The following DCLK2 variants were observed in gnomAD, a reference collection of about 807,000 sequenced individuals.
DCLK2 encodes the protein doublecortin like kinase 2.
Under a neutral mutation model 78.4 loss-of-function variants are expected in DCLK2, and 31 were observed. The observed-to-expected ratio is 0.40, with a 90% CI of 0.30 to 0.53. DCLK2 has a LOEUF of 0.53. Among genes scored for constraint, DCLK2 ranks in the 20% least tolerant of loss-of-function variants. The pLI, the probability that DCLK2 is intolerant of heterozygous loss-of-function variation, is 0.61. For synonymous variants in DCLK2, 407 were observed against 374.9 expected, an observed-to-expected ratio of 1.09 and a Z score of -0.99; for missense variants, 872 against 973.7, an observed-to-expected ratio of 0.90 and a Z score of 1.39.
chr4:150,117,892 C>T lies in DCLK2; in HGVS notation c.756+15080C>T, dbSNP rs542529157. ...CACCACACACTATTTTGTCTTTTCACGTGGTAGAGGCATGCAAACAATCCA... is the reference window on the plus strand; with the variant it reads ...CACCACACACTATTTTGTCTTTTCATGTGGTAGAGGCATGCAAACAATCCA... On this transcript the variant is annotated intron_variant, in intron 2 of 15. Coordinates refer to ENST00000296550, the MANE Select transcript of DCLK2 (RefSeq NM_001040260.4). Among the ~76,000 whole-genome samples the T allele has an allele frequency of 1.2e-4, 19 of 152,260 alleles. No individual in the cohort carries two copies. In the South Asian group the frequency reaches 2.7e-3, roughly 22 times the overall value.
intron 2 of DCLK2, among the ~76,000 whole-genome samples, chr4:150,171,874 G>A (rs1736558675): frequency 2.0e-5 from 3 of 152,320 alleles, no homozygotes; most frequent in Admixed American, 2.0e-4. Flanking sequence ...TCTTTTCTAA[G>A]GAAGCTTTTT....
intron 1 of DCLK2, among the ~76,000 whole-genome samples, chr4:150,097,016 G>T (rs1454921845): frequency 6.6e-6 from 1 of 152,150 alleles, no homozygotes; most frequent in East Asian, 1.9e-4. Flanking sequence ...CATGGGAGGA[G>T]AGAAGGACCC....
chr4:150,140,364 CA>C (rs60163183), intron 2 of DCLK2, among the ~76,000 whole-genome samples: 35,884 of 152,022 alleles, frequency 0.24, 4,943 homozygotes, highest in South Asian at 0.51. Context: ...AGGCCTCCCC[CA>C]GCAAGCATGG....
chr4:150,157,836 C>T lies in DCLK2; in HGVS notation c.757-35302C>T, dbSNP rs142125146. On this transcript the variant is annotated intron_variant, in intron 2 of 15. Coordinates refer to ENST00000296550, the MANE Select transcript of DCLK2 (RefSeq NM_001040260.4). ...CAGAGATGGAGTTTTGCCATGTTTC[C>T]GGACTGGTCTTGAACTCTCTGAGCT... is the stretch of plus-strand genomic sequence containing the variant. Among the ~76,000 whole-genome samples the T allele has an allele frequency of 2.0e-3, 299 of 152,268 alleles. 1 individual carries two copies. Among genetic ancestry groups the T allele is most frequent in the African/African-American group, 6.8e-3 (283 of 41,560 alleles).
intron 12 of DCLK2, among the ~76,000 whole-genome samples, chr4:150,246,226 C>T (rs11941843): frequency 0.65 from 99,234 of 151,840 alleles, 32,760 homozygotes; most frequent in South Asian, 0.81. Context: ...TTTGTATTTT[C>T]AGTAGAGACA....
At chr4:150,079,696 G>T (rs1264123180) in intron 1 of DCLK2, among the ~76,000 whole-genome samples, 1 of 150,888 alleles carries the variant, frequency 6.6e-6, no homozygotes, top group Non-Finnish European at 1.5e-5. Flanking sequence ...GGCCAATTTA[G>T]GCACTGGTGG....
intron 2 of DCLK2, among the ~76,000 whole-genome samples, chr4:150,159,878 T>C (rs930449178): frequency 1.3e-5 from 2 of 152,012 alleles, no homozygotes; most frequent in Non-Finnish European, 2.9e-5. Context: ...GCACGTGACT[T>C]AGGAATGAGG....
intron 11 of DCLK2, 27 bp downstream of exon 11, chr4:150,239,902 TACTTTA>T: frequency 6.6e-7 from 1 of 1,506,274 alleles, no homozygotes; most frequent in Non-Finnish European, 8.9e-7. Context: ...CCCTGGTTAG[TACTTTA>T]ACTTTGATGA....
intron 2 of DCLK2, among the ~76,000 whole-genome samples, chr4:150,183,136 C>T (rs1737651766): frequency 6.6e-6 from 1 of 152,146 alleles, no homozygotes; most frequent in Non-Finnish European, 1.5e-5. Context: ...TAGGATTTTC[C>T]CTTTACTCTG....
intron 4 of DCLK2, among the ~76,000 whole-genome samples, chr4:150,201,147 T>C (rs1019995920): frequency 1.3e-5 from 2 of 152,196 alleles, no homozygotes; most frequent in Non-Finnish European, 2.9e-5. Context: ...TTGTGAATCT[T>C]TCTTAGTCTG....
Position 150,102,458 on chromosome 4 carries a change from A to G in DCLK2, c.422-20A>G. The G allele has an allele frequency of 6.2e-7, 1 of 1,603,564 alleles. No individual in the cohort carries two copies. The highest frequency in any genetic ancestry group is 8.5e-7 in the Non-Finnish European group (1 of 1,174,160). ...ATGATAGAGATAATCATGCTAATAA[A>G]ATCAAATTTTGCTTTTTAGGTGAGA... On this transcript the variant is annotated intron_variant, in intron 1 of 15. Coordinates refer to ENST00000296550, the MANE Select transcript of DCLK2 (RefSeq NM_001040260.4).
In DCLK2 at chr4:150,078,927, C is replaced by T. The variant is rs2150123348; in HGVS notation, c.-101C>T. ...GGCGGGATGCCAGAGCCAGGTGTCC[C>T]GGCGCGTTAAGGGCCCTCGCAGTCA... On this transcript the variant is annotated 5_prime_UTR_variant, in exon 1 of 16. Transcript: ENST00000296550. 6 of 1,372,500 alleles carry T rather than the reference C, an allele frequency of 4.4e-6. No individual in the cohort carries two copies. Among genetic ancestry groups the T allele is most frequent in the South Asian group, 1.7e-5 (1 of 60,438 alleles). The allele number at this position is 1,372,500 out of a possible 1,614,324, so 85.0% of individuals were successfully genotyped here. A position where few individuals can be genotyped will look rare whatever the true frequency, so the allele number is the denominator to read the frequency against.
At position 150,256,938 on chromosome 4, in the gene DCLK2, C is replaced by T. The variant is rs182896172; in HGVS notation, c.*691C>T. On this transcript the variant is annotated 3_prime_UTR_variant, in exon 16 of 16. Transcript: ENST00000296550. ...TGCTCAGTATTCATTCATACACAGA[C>T]GATGGAAGAAGCCACTTCTTCCCTG... is the stretch of plus-strand genomic sequence containing the variant. The T allele has an allele frequency of 5.3e-5, 8 of 152,340 alleles. No individual in the cohort carries two copies. The highest frequency in any genetic ancestry group is 1.4e-4 in the African/African-American group (6 of 41,566). The allele number at this position is 152,340 out of a possible 1,614,324, so 9.4% of individuals were successfully genotyped here.
At chr4:150,253,670 G>C in intron 15 of DCLK2, 1 of 1,241,198 alleles carries the variant, frequency 8.1e-7, no homozygotes, top group Non-Finnish European at 1.0e-6. Context: ...TACTGGTGTG[G>C]GTCTTTTGTA....
intron 2 of DCLK2, among the ~76,000 whole-genome samples, chr4:150,183,570 A>G (rs1737688938): frequency 6.6e-6 from 1 of 152,188 alleles, no homozygotes. Context: ...AACAATTTAT[A>G]GGTTATCTTG....
intron 1 of DCLK2, among the ~76,000 whole-genome samples, chr4:150,090,617 G>A (rs1162518933): frequency 1.3e-5 from 2 of 152,040 alleles, no homozygotes; most frequent in Admixed American, 6.6e-5. Context: ...AAGCTTTTTG[G>A]TTACTGGGTG....
chr4:150,138,258 A>G (rs1733835359), intron 2 of DCLK2, among the ~76,000 whole-genome samples: 1 of 152,202 alleles, frequency 6.6e-6, no homozygotes, highest in Non-Finnish European at 1.5e-5. Flanking sequence ...GTCACACTCT[A>G]GCTGTGGGAT....
At chr4:150,213,607 T>A (rs181140454) in intron 5 of DCLK2, among the ~76,000 whole-genome samples, 1,773 of 152,174 alleles carry the variant, frequency 0.012, 36 homozygotes, top group African/African-American at 0.041. Flanking sequence ...GTATTTTTTT[T>A]TAAAAAAAAA....
chr4:150,140,248 A>G (rs1734024096), intron 2 of DCLK2, among the ~76,000 whole-genome samples: 1 of 152,246 alleles, frequency 6.6e-6, no homozygotes. Flanking sequence ...TATTGTTATT[A>G]TGATACCTTA....
Sources: allele counts gnomAD v4.1 joint callset (sites outside exome capture counted in the v4.1 genomes callset), GRCh38; gene constraint gnomAD v4.1.1; transcripts MANE v1.5; gene names NCBI Gene and HGNC (gene_info 2026-07-23, HGNC 2026-07-21).